CLEC4F: variants seen among roughly 807,000 people sequenced by gnomAD.
CLEC4F encodes the protein C-type lectin domain family 4 member F.
In CLEC4F, 45 loss-of-function variants were observed where a neutral mutation model predicts 53.4. That is an observed-to-expected ratio of 0.84 (90% CI 0.66 to 1.08). The LOEUF (loss-of-function observed/expected upper bound fraction) is 1.08. Ranked by LOEUF, CLEC4F falls within the 50% of genes least tolerant of loss-of-function variation. The pLI is 0.00. For missense variants in CLEC4F, 753 were observed against 698.2 expected (o/e 1.08, Z -0.88); for synonymous variants, 245 against 257.5 (o/e 0.95, Z 0.46).
At chr2:70,815,573 A>G (rs1001687744) in intron 4 of CLEC4F, among the ~76,000 whole-genome samples, 3 of 152,212 alleles carry the variant, frequency 2.0e-5, no homozygotes, top group Non-Finnish European at 4.4e-5. Flanking sequence ...AAGGCCTTAC[A>G]TGTGTGAACT....
Position 70,808,790 on chromosome 2 carries a change from T to C in CLEC4F, c.*481A>G, listed in dbSNP as rs1676362075. The stretch of plus-strand genomic sequence containing the variant: ...TCGAGGTAAGCATGTTTGAAAGGGC[T>C]GAATCAAAGAACAAGGCAGGAAGTC... On this transcript the variant is annotated 3_prime_UTR_variant, in exon 7 of 7. Coordinates refer to ENST00000272367, the MANE Select transcript of CLEC4F (RefSeq NM_173535.3). 9.2e-6 allele frequency: 4 copies of C among 434,382 alleles called. No homozygotes were observed. The highest frequency in any genetic ancestry group is 1.7e-5 in the Non-Finnish European group (4 of 234,350). The allele number at this position is 434,382 out of a possible 1,614,324, so 26.9% of individuals were successfully genotyped here.
chr2:70,813,554 T>TC (rs1553394889), intron 4 of CLEC4F, among the ~76,000 whole-genome samples: 2 of 147,172 alleles, frequency 1.4e-5, no homozygotes, highest in East Asian at 4.1e-4. Flanking sequence ...TTTCTTTCTT[T>TC]TTTTCTTTCT....
At chr2:70,814,996 G>A (rs990711686) in intron 4 of CLEC4F, among the ~76,000 whole-genome samples, 34 of 152,154 alleles carry the variant, frequency 2.2e-4, no homozygotes, top group Non-Finnish European at 4.4e-4. Context: ...TGGGGCACTA[G>A]GAGATGTGTG....
rs1676394523 is a variant in CLEC4F at position 70,809,093 on chromosome 2, G to T, written c.*178C>A. 5 of 1,548,994 alleles carry T rather than the reference G, an allele frequency of 3.2e-6. No individual in the cohort carries two copies. The highest frequency in any genetic ancestry group is 4.4e-6 in the Non-Finnish European group (5 of 1,146,986). ...TTTTCCCAAAACCCGAAGACAACAG[G>T]GCTTTATACTGTTAGATGAAGGCAG... On this transcript the variant is annotated 3_prime_UTR_variant, in exon 7 of 7. Transcript: ENST00000272367.
chr2:70,819,511 A>C (rs1553397332), intron 2 of CLEC4F, 67 bp from the exon 3 acceptor site: 1 of 1,427,854 alleles, frequency 7.0e-7, no homozygotes, highest in African/African-American at 1.4e-5. Flanking sequence ...ACGCTGTCCC[A>C]CACAGAGGTA....
Position 70,819,834 on chromosome 2 carries a change from G to C in CLEC4F, c.119C>G (p.Ala40Gly). 1 of 1,609,562 alleles carries C rather than the reference G, an allele frequency of 6.2e-7. No homozygotes were observed. Among genetic ancestry groups the C allele is most frequent in the Non-Finnish European group, 8.5e-7 (1 of 1,178,040 alleles). The change falls in exon 2 of 7, where the codon GCT (alanine) becomes GGT (glycine). Residue 40 changes from alanine (A) to glycine (G), a missense_variant. By Grantham distance (60) the Ala-to-Gly change is moderately conservative. Coordinates refer to ENST00000272367, the MANE Select transcript of CLEC4F (RefSeq NM_173535.3). ...GGTCACAGCCATAAATGCCGGGGTA[G>C]CCTGAACGAGCCTCGGTATCTTGGG... Reference protein sequence around the residue: ...AAPKIPRLVQATPAFMAVTLV... With the variant: ...AAPKIPRLVQGTPAFMAVTLV...
upstream of CLEC4F, among the ~76,000 whole-genome samples, chr2:70,824,571 A>G (rs1677300785): frequency 7.1e-6 from 1 of 141,058 alleles, no homozygotes; most frequent in Non-Finnish European, 1.5e-5. Context: ...AATACTCAAG[A>G]TGAGCCTGGA....
chr2:70,811,361 A>C, intron 5 of CLEC4F: 2 of 881,164 alleles, frequency 2.3e-6, no homozygotes, highest in South Asian at 1.3e-5. Context: ...ACTGTTGAGC[A>C]GCTAGTGTAC....
upstream of CLEC4F, among the ~76,000 whole-genome samples, chr2:70,824,444 T>C (rs1312170269): frequency 6.6e-6 from 1 of 151,510 alleles, no homozygotes; most frequent in Non-Finnish European, 1.5e-5. Context: ...GGAGAGGCAA[T>C]GATGTTCAAA....
Position 70,819,340 on chromosome 2 carries a change from A to T in CLEC4F, c.268+15T>A, listed in dbSNP as rs1553397215. The T allele has an allele frequency of 1.2e-6, 2 of 1,609,958 alleles. No individual in the cohort carries two copies. The highest frequency in any genetic ancestry group is 2.2e-5 in the South Asian group (2 of 90,990). On this transcript the variant is annotated intron_variant, in intron 3 of 6. Coordinates refer to ENST00000272367, the MANE Select transcript of CLEC4F (RefSeq NM_173535.3). ...CCAGTTCCCTCTGCACCCCACCCCC[A>T]CTGTGGCTACTCACTGTTGGGTTCA...
chr2:70,824,631 A>G (rs1282377368), upstream of CLEC4F, among the ~76,000 whole-genome samples: 1 of 149,250 alleles, frequency 6.7e-6, no homozygotes, highest in Non-Finnish European at 1.5e-5. Flanking sequence ...CCAAAAAAAA[A>G]AAAAAAAAAA....
intron 5 of CLEC4F, chr2:70,811,118 G>T: frequency 1.5e-6 from 1 of 684,482 alleles, no homozygotes; most frequent in Non-Finnish European, 2.7e-6. Flanking sequence ...TCTATAGCAC[G>T]ACACTCTTTT....
At chr2:70,824,748 A>C (rs67923035), upstream of CLEC4F, among the ~76,000 whole-genome samples, 13 of 151,592 alleles carry the variant, frequency 8.6e-5, no homozygotes, top group Middle Eastern at 3.4e-3. Flanking sequence ...AACAAATAAA[A>C]TAGTATTGGA....
chr2:70,822,856 C>T (rs1001910655), upstream of CLEC4F, among the ~76,000 whole-genome samples: 35 of 152,226 alleles, frequency 2.3e-4, 1 homozygote, highest in Admixed American at 1.5e-3. Flanking sequence ...ATTCTCATGT[C>T]TTTTGCACAG....
At position 70,816,663 on chromosome 2, in the gene CLEC4F, C is replaced by G; in HGVS notation, c.718G>C (p.Ala240Pro). 6.2e-7 allele frequency: 1 copy of G among 1,614,190 alleles called. No homozygotes were observed. Among genetic ancestry groups the G allele is most frequent in the Admixed American group, 1.7e-5 (1 of 60,026 alleles). ...NASLETANTQ[A>P]QLANSSLKNA... ...TTTAAACTGCTATTGGCTAACTGAG[C>G]CTGGGTATTTGCCGTTTCCAAACTG... The change falls in exon 4 of 7, where the codon GCT (alanine) becomes CCT (proline). Residue 240 changes from alanine to proline, a missense_variant. Coordinates refer to ENST00000272367, the MANE Select transcript of CLEC4F (RefSeq NM_173535.3).
chr2:70,809,668 G>A, intron 6 of CLEC4F, 71 bp downstream of exon 6: 5 of 1,148,602 alleles, frequency 4.4e-6, no homozygotes, highest in Non-Finnish European at 5.3e-6. Flanking sequence ...TACTGGGAAG[G>A]GACACACAGT....
chr2:70,819,441 T>G lies in CLEC4F; in HGVS notation c.182A>C (p.Gln61Pro). ...FSLVTLFVVV[Q>P]QQTRPVPKPV... is the part of the protein sequence containing the mutation. ...CTTCGGAACAGGTCTTGTCTGCTGT[T>G]GAACTGAGACATTCCATTTTTCCAG... Residue 61 changes from glutamine (Q) to proline (P), a missense_variant, in exon 3 of 7, where the codon CAA (glutamine) becomes CCA (proline). By Grantham distance (76) the Gln-to-Pro change is moderately conservative. Transcript: ENST00000272367. The G allele has an allele frequency of 1.9e-6, 3 of 1,614,054 alleles. No individual in the cohort carries two copies. Among genetic ancestry groups the G allele is most frequent in the Non-Finnish European group, 2.5e-6 (3 of 1,179,902 alleles).
intron 1 of CLEC4F, 118 bp downstream of exon 1, chr2:70,820,345 C>T (rs1410655886): frequency 2.3e-6 from 2 of 871,104 alleles, no homozygotes; most frequent in Non-Finnish European, 3.4e-6. Flanking sequence ...TCTGCATCCC[C>T]AAGGACAAGG....
At chr2:70,822,038 C>T (rs560803952), upstream of CLEC4F, among the ~76,000 whole-genome samples, 1 of 152,180 alleles carries the variant, frequency 6.6e-6, no homozygotes, top group Non-Finnish European at 1.5e-5. Context: ...GGACTACAGG[C>T]ATGAGCCACC....
Sources: allele counts gnomAD v4.1 joint callset (sites outside exome capture counted in the v4.1 genomes callset), GRCh38; gene constraint gnomAD v4.1.1; transcripts MANE v1.5; gene names NCBI Gene and HGNC (gene_info 2026-07-23, HGNC 2026-07-21).